SCO1: variants seen among roughly 807,000 people sequenced by gnomAD.
SCO1 encodes cytochrome c oxidase assembly factor SCO1.
A neutral mutation model predicts 34.0 loss-of-function variants in SCO1; 23 were observed. The observed-to-expected ratio is 0.68, with a 90% CI of 0.49 to 0.96. The LOEUF is 0.96. SCO1 is among the 40% of genes least tolerant of loss of function. The pLI is 0.00. For missense variants in SCO1, 404 were observed against 381.6 expected, an observed-to-expected ratio of 1.06 and a Z score of -0.49; for synonymous variants, 161 against 145.5, an observed-to-expected ratio of 1.11 and a Z score of -0.77.
chr17:10,672,589 C>T lies in SCO1; in HGVS notation c.*8530G>A, dbSNP rs897309995. 1 of 152,238 alleles carries T rather than the reference C, an allele frequency of 6.6e-6. No homozygotes were observed. Among genetic ancestry groups the T allele is most frequent in the Admixed American group, 6.5e-5 (1 of 15,282 alleles). The allele number at this position is 152,238 out of a possible 1,614,324, so 9.4% of individuals were successfully genotyped here. A position where few individuals can be genotyped will look rare whatever the true frequency, so the allele number is the denominator to read the frequency against. On this transcript the variant is annotated 3_prime_UTR_variant, in exon 6 of 6. Transcript: ENST00000255390. ...TTGTGCAGCGACCACTACCAAGACACAGATCATTTTTACCACTTCCCCAAA... is the reference window on the plus strand; with the variant it reads ...TTGTGCAGCGACCACTACCAAGACATAGATCATTTTTACCACTTCCCCAAA...
At position 10,672,830 on chromosome 17, in the gene SCO1, C is replaced by G. The variant is rs921663224; in HGVS notation, c.*8289G>C. The G allele has an allele frequency of 6.6e-6, 1 of 152,020 alleles. No homozygotes were observed. The highest frequency in any genetic ancestry group is 1.5e-5 in the Non-Finnish European group (1 of 67,992). 9.4% of individuals were successfully genotyped at this position (152,020 alleles called of 1,614,324 possible). A position where few individuals can be genotyped will look rare whatever the true frequency, so the allele number is the denominator to read the frequency against. On this transcript the variant is annotated 3_prime_UTR_variant, in exon 6 of 6. Coordinates refer to ENST00000255390, the MANE Select transcript of SCO1 (RefSeq NM_004589.4). ...ACATTGATTCTATTTATTATAGATT[C>G]TGTGTGGTTATTGTGAATTTAGTAA... is the stretch of plus-strand genomic sequence containing the variant.
chr17:10,686,270 T>C (rs2074655643), intron 5 of SCO1, among the ~76,000 whole-genome samples: 1 of 150,314 alleles, frequency 6.7e-6, no homozygotes, highest in African/African-American at 2.5e-5. Context: ...AAAAACATGC[T>C]TCTATTATCC....
intron 5 of SCO1, among the ~76,000 whole-genome samples, chr17:10,681,646 A>G (rs1191846147): frequency 6.6e-6 from 1 of 152,206 alleles, no homozygotes; most frequent in Non-Finnish European, 1.5e-5. Context: ...TGAGTAAGAT[A>G]TCTCCTCAGA....
Position 10,692,812 on chromosome 17 carries a change from C to G in SCO1, c.514G>C (p.Val172Leu). ...IYFGFTHCPD[V>L]CPEELEKMIQ... Reference sequence around the variant, plus strand: ...ATCTTTTCTAGTTCTTCTGGACAGACATCAGGGCAATGAGTGAAGCCAAAA... The same window carrying G: ...ATCTTTTCTAGTTCTTCTGGACAGAGATCAGGGCAATGAGTGAAGCCAAAA... The change falls in exon 3 of 6, where the codon GTC becomes CTC. Residue 172 changes from valine to leucine, a missense_variant. By Grantham distance (32) the Val-to-Leu change is conservative. Transcript: ENST00000255390. 6.2e-7 allele frequency: 1 copy of G among 1,614,172 alleles called. No individual in the cohort carries two copies.
chr17:10,693,797 C>T (rs2074705625), intron 2 of SCO1, among the ~76,000 whole-genome samples: 1 of 152,256 alleles, frequency 6.6e-6, no homozygotes, highest in African/African-American at 2.4e-5. Flanking sequence ...GGAGACGTGT[C>T]AAAGACACAG....
intron 4 of SCO1, among the ~76,000 whole-genome samples, chr17:10,688,365 T>C (rs1262152216): frequency 6.6e-6 from 1 of 152,140 alleles, no homozygotes; most frequent in Non-Finnish European, 1.5e-5. Context: ...CTAAAGGTAA[T>C]ACAGATGGCA....
intron 5 of SCO1, among the ~76,000 whole-genome samples, chr17:10,686,451 G>A (rs576779981): frequency 5.2e-4 from 76 of 146,778 alleles, no homozygotes; most frequent in African/African-American, 1.1e-3. Context: ...GTGTGGTGGC[G>A]CGCACCTGTA....
Position 10,697,346 on chromosome 17 carries a change from G to A in SCO1, c.162C>T (p.Ala54=), listed in dbSNP as rs1287874494. ...CCAGGCAATAGCCAGGGCGCCCCGA[G>A]GCACGCCACGCCTCCGCTTGCCGCG... The part of the protein sequence containing the change: ...FCARQAEAWR[A]SGRPGYCLGT... Residue 54 remains alanine, a synonymous_variant, in exon 1 of 6, where the codon GCC becomes GCT. Coordinates refer to ENST00000255390, the MANE Select transcript of SCO1 (RefSeq NM_004589.4). 6.3e-7 allele frequency: 1 copy of A among 1,580,292 alleles called. No homozygotes were observed. Among genetic ancestry groups the A allele is most frequent in the Non-Finnish European group, 8.6e-7 (1 of 1,163,688 alleles).
Position 10,681,223 on chromosome 17 carries a change from C to T in SCO1, c.802G>A (p.Gly268Arg), listed in dbSNP as rs766326821. 3.7e-6 allele frequency: 6 copies of T among 1,614,088 alleles called. No individual in the cohort carries two copies. Among genetic ancestry groups the T allele is most frequent in the Non-Finnish European group, 5.1e-6 (6 of 1,179,996 alleles). The change falls in exon 6 of 6, where the codon GGA becomes AGA. Residue 268 changes from glycine to arginine, a missense_variant. Gly to Arg is a moderately radical substitution (Grantham distance 125, BLOSUM62 -2). Coordinates refer to ENST00000255390, the MANE Select transcript of SCO1 (RefSeq NM_004589.4). ...TAATCTAGAAACTCACCATCTGGTC[C>T]AATCAAGTACATTATTATTGTGTGA... is the stretch of plus-strand genomic sequence containing the variant. ...VDHTIIMYLIGPDGEFLDYFG... is the reference protein window; with the variant it reads ...VDHTIIMYLIRPDGEFLDYFG...
At chr17:10,681,291 C>T (rs774819789) in intron 5 of SCO1, 38 bp from the exon 6 acceptor site, 8 of 1,608,568 alleles carry the variant, frequency 5.0e-6, no homozygotes, top group Non-Finnish European at 6.8e-6. Context: ...CAAAGATTAC[C>T]AAAATAAGCT....
At chr17:10,694,694 C>T (rs2175039) in intron 2 of SCO1, among the ~76,000 whole-genome samples, 6,058 of 152,092 alleles carry the variant, frequency 0.04, 409 homozygotes, top group African/African-American at 0.14. Flanking sequence ...GTTAGAATTG[C>T]ACTTGAAATT....
At chr17:10,686,002 C>T (rs544093692) in intron 5 of SCO1, among the ~76,000 whole-genome samples, 1 of 151,900 alleles carries the variant, frequency 6.6e-6, no homozygotes, top group East Asian at 2.0e-4. Context: ...CTGAGGTGGG[C>T]AGGGCAGACC....
rs1451564084 is a variant in SCO1 at position 10,676,758 on chromosome 17, G to A, written c.*4361C>T. 1 of 152,144 alleles carries A rather than the reference G, an allele frequency of 6.6e-6. No homozygotes were observed. Among genetic ancestry groups the A allele is most frequent in the Non-Finnish European group, 1.5e-5 (1 of 68,034 alleles). The allele number at this position is 152,144 out of a possible 1,614,324, so 9.4% of individuals were successfully genotyped here. A position where few individuals can be genotyped will look rare whatever the true frequency, so the allele number is the denominator to read the frequency against. Reference sequence around the variant, plus strand: ...TATTTCTTGGTAGTGGAACAACAGTGATTGAAAATTTTCTTCCTTCAACTT... The same window carrying A: ...TATTTCTTGGTAGTGGAACAACAGTAATTGAAAATTTTCTTCCTTCAACTT... On this transcript the variant is annotated 3_prime_UTR_variant, in exon 6 of 6. Transcript: ENST00000255390.
chr17:10,696,067 T>TAAAGAAAAA (rs1374448443), intron 1 of SCO1, among the ~76,000 whole-genome samples: 1 of 35,838 alleles, frequency 2.8e-5, no homozygotes, highest in Non-Finnish European at 5.1e-5. Flanking sequence ...TCTCTTCATG[T>TAAAGAAAAA]AAATAAAAAA....
At chr17:10,685,166 C>G (rs1356143021) in intron 5 of SCO1, among the ~76,000 whole-genome samples, 1 of 152,184 alleles carries the variant, frequency 6.6e-6, no homozygotes, top group Non-Finnish European at 1.5e-5. Context: ...ATCCCATCCC[C>G]TCTGCATCTC....
At position 10,681,118 on chromosome 17, in the gene SCO1, G is replaced by A. The variant is rs770775754; in HGVS notation, c.*1C>T. The A allele has an allele frequency of 1.2e-6, 2 of 1,614,032 alleles. No individual in the cohort carries two copies. Among genetic ancestry groups the A allele is most frequent in the African/African-American group, 2.7e-5 (2 of 74,920 alleles). ...TACTGCATCCAGCAACACTGCTTTG[G>A]CTAGCTCTTTTTTCTGTATGGCCTC... On this transcript the variant is annotated 3_prime_UTR_variant, in exon 6 of 6. Coordinates refer to ENST00000255390, the MANE Select transcript of SCO1 (RefSeq NM_004589.4).
rs1203239480 is a variant in SCO1 at position 10,679,775 on chromosome 17, G to GT, written c.*1343dup. The GT allele has an allele frequency of 6.6e-6, 1 of 152,136 alleles. No individual in the cohort carries two copies. The highest frequency in any genetic ancestry group is 1.9e-4 in the East Asian group (1 of 5,190). 9.4% of individuals were successfully genotyped at this position (152,136 alleles called of 1,614,324 possible). A position where few individuals can be genotyped will look rare whatever the true frequency, so the allele number is the denominator to read the frequency against. On this transcript the variant is annotated 3_prime_UTR_variant, in exon 6 of 6. Transcript: ENST00000255390. ...TATTTTTAAATTCATTTTAATTTCT[G>GT]TATCTCTACATAGATATATCTAGAG...
intron 3 of SCO1, 23 bp from the exon 4 acceptor site, chr17:10,691,987 C>G (rs951964856): frequency 6.7e-7 from 1 of 1,494,814 alleles, no homozygotes; most frequent in Non-Finnish European, 9.3e-7. Context: ...TCCAATTAGT[C>G]CGTATTCACA....
Position 10,673,301 on chromosome 17 carries a change from CT to C in SCO1, c.*7817del, listed in dbSNP as rs1567570134. On this transcript the variant is annotated 3_prime_UTR_variant, in exon 6 of 6. Coordinates refer to ENST00000255390, the MANE Select transcript of SCO1 (RefSeq NM_004589.4). ...TCCCAGAGGCACTCTCCAGGGCCTACTTTTTATATCCCTCGTACTCAGCTTA... is the reference window on the plus strand; with the variant it reads ...TCCCAGAGGCACTCTCCAGGGCCTACTTTTATATCCCTCGTACTCAGCTTA... The C allele has an allele frequency of 6.6e-6, 1 of 152,202 alleles. No homozygotes were observed. Among genetic ancestry groups the C allele is most frequent in the Non-Finnish European group, 1.5e-5 (1 of 68,064 alleles). The allele number at this position is 152,202 out of a possible 1,614,324, so 9.4% of individuals were successfully genotyped here.
Sources: gnomAD v4.1 joint callset for allele counts (sites outside exome capture counted in the v4.1 genomes callset) on GRCh38, gnomAD v4.1.1 for gene constraint, MANE v1.5 for transcripts, NCBI Gene and HGNC (gene_info 2026-07-23, HGNC 2026-07-21) for gene names.